Variants in SUPT3H observed in about 807,000 individuals in gnomAD.
SUPT3H encodes the protein transcription initiation protein SPT3 homolog.
In SUPT3H, 44 loss-of-function variants were observed where a neutral mutation model predicts 44.3. The observed-to-expected ratio is 0.99, with a 90% confidence interval of 0.78 to 1.28. The LOEUF (loss-of-function observed/expected upper bound fraction) is 1.28. SUPT3H is among the 50% of genes most tolerant of loss of function. The pLI, the probability that SUPT3H is intolerant of heterozygous loss-of-function variation, is 0.00. For synonymous variants in SUPT3H, 124 were observed against 125.6 expected, an observed-to-expected ratio of 0.99 and a Z score of 0.09; for missense variants, 380 against 387.1, an observed-to-expected ratio of 0.98 and a Z score of 0.15.
intron 6 of SUPT3H, among the ~76,000 whole-genome samples, chr6:44,998,974 CTG>C (rs1781644380): frequency 6.6e-6 from 1 of 152,014 alleles, no homozygotes; most frequent in Non-Finnish European, 1.5e-5. Context: ...TCTAAACAGT[CTG>C]TGACAGTACA....
chr6:45,139,841 C>T (rs539636166), intron 2 of SUPT3H, among the ~76,000 whole-genome samples: 2 of 152,156 alleles, frequency 1.3e-5, no homozygotes, highest in South Asian at 2.1e-4. Context: ...ACAGGGTGAA[C>T]GAAGCTTCCC....
chr6:45,374,343 A>G (rs1216144494), intron 1 of SUPT3H, among the ~76,000 whole-genome samples: 2 of 151,314 alleles, frequency 1.3e-5, no homozygotes, highest in South Asian at 2.1e-4. Context: ...AACCCATCAC[A>G]TGAGTTATTT....
chr6:45,156,710 T>C (rs1807878752), intron 2 of SUPT3H, among the ~76,000 whole-genome samples: 2 of 151,814 alleles, frequency 1.3e-5, no homozygotes, highest in South Asian at 4.1e-4. Context: ...TTTTAAAATG[T>C]CCCCATTCTA....
chr6:44,969,803 T>C (rs1055489860), intron 6 of SUPT3H, among the ~76,000 whole-genome samples: 6 of 152,092 alleles, frequency 3.9e-5, no homozygotes, highest in Admixed American at 3.3e-4. Flanking sequence ...AGGTTTCCAG[T>C]GGTGCTAATT....
intron 10 of SUPT3H, among the ~76,000 whole-genome samples, chr6:44,833,151 T>G (rs1769174454): frequency 1.3e-5 from 2 of 152,136 alleles, no homozygotes; most frequent in African/African-American, 4.8e-5. Context: ...CTATTACCTT[T>G]CCTGATTCTC....
At chr6:45,276,969 T>A (rs1020948769) in intron 2 of SUPT3H, among the ~76,000 whole-genome samples, 3 of 152,350 alleles carry the variant, frequency 2.0e-5, no homozygotes, top group Non-Finnish European at 4.4e-5. Flanking sequence ...CTTCCAAAGA[T>A]AAAACACATT....
At chr6:45,323,219 G>C (rs956129067) in intron 2 of SUPT3H, among the ~76,000 whole-genome samples, 2 of 152,018 alleles carry the variant, frequency 1.3e-5, no homozygotes, top group Admixed American at 1.3e-4. Context: ...ACTCTATTAT[G>C]TTCGGTTAAA....
At chr6:44,952,596 G>C (rs185204563) in intron 9 of SUPT3H, among the ~76,000 whole-genome samples, 1 of 152,132 alleles carries the variant, frequency 6.6e-6, no homozygotes, top group African/African-American at 2.4e-5. Context: ...ATGGATATTC[G>C]ATTGAATTAC....
At chr6:45,148,122 T>C (rs1262641709) in intron 2 of SUPT3H, among the ~76,000 whole-genome samples, 2 of 151,980 alleles carry the variant, frequency 1.3e-5, no homozygotes, top group Admixed American at 1.3e-4. Context: ...TATGTCTAAC[T>C]GAAGAAATAA....
intron 2 of SUPT3H, among the ~76,000 whole-genome samples, chr6:45,211,389 T>G (rs1041144785): frequency 6.6e-6 from 1 of 152,162 alleles, no homozygotes; most frequent in African/African-American, 2.4e-5. Flanking sequence ...TTATCTCCCT[T>G]AAATACAAAC....
intron 2 of SUPT3H, among the ~76,000 whole-genome samples, chr6:45,341,544 A>T (rs986405494): frequency 6.6e-6 from 1 of 152,232 alleles, no homozygotes; most frequent in Admixed American, 6.5e-5. Flanking sequence ...ACAAATTTTC[A>T]TATTAGTTTT....
intron 3 of SUPT3H, among the ~76,000 whole-genome samples, chr6:45,091,947 G>T (rs1238874860): frequency 6.6e-6 from 1 of 151,456 alleles, no homozygotes; most frequent in African/African-American, 2.4e-5. Flanking sequence ...CGCATACTGG[G>T]CTAAATACAA....
intron 3 of SUPT3H, among the ~76,000 whole-genome samples, chr6:45,100,331 AGG>A (rs1798372145): frequency 6.6e-6 from 1 of 151,990 alleles, no homozygotes; most frequent in Admixed American, 6.6e-5. Context: ...TCTTCGGACA[AGG>A]GATTAATATC....
At chr6:45,137,733 A>G (rs1362642851) in intron 2 of SUPT3H, among the ~76,000 whole-genome samples, 6 of 151,968 alleles carry the variant, frequency 3.9e-5, no homozygotes, top group African/African-American at 7.2e-5. Flanking sequence ...ACCAAGAAAT[A>G]AAGATATAAG....
chr6:45,067,463 G>A (rs887650888), intron 3 of SUPT3H, among the ~76,000 whole-genome samples: 4 of 143,714 alleles, frequency 2.8e-5, no homozygotes, highest in African/African-American at 1.0e-4. Context: ...ATTGACAACT[G>A]GGATCTAATT....
intron 3 of SUPT3H, among the ~76,000 whole-genome samples, chr6:45,093,278 G>A (rs2153564266): frequency 6.6e-6 from 1 of 152,130 alleles, no homozygotes; most frequent in African/African-American, 2.4e-5. Flanking sequence ...AATTTTGTAA[G>A]TTAAAAAGCT....
At chr6:44,999,396 G>A (rs1264920362) in intron 6 of SUPT3H, among the ~76,000 whole-genome samples, 1 of 151,920 alleles carries the variant, frequency 6.6e-6, no homozygotes, top group Non-Finnish European at 1.5e-5. Context: ...ACGTGCACCT[G>A]AAGGGTGGTG....
chr6:45,243,543 C>A (rs981947216), intron 2 of SUPT3H, among the ~76,000 whole-genome samples: 1 of 151,948 alleles, frequency 6.6e-6, no homozygotes, highest in Non-Finnish European at 1.5e-5. Context: ...CTCATTAATA[C>A]AAGAGATTGT....
intron 2 of SUPT3H, among the ~76,000 whole-genome samples, chr6:45,343,459 T>C (rs1193923923): frequency 2.0e-5 from 3 of 152,150 alleles, no homozygotes; most frequent in African/African-American, 4.8e-5. Context: ...ATCTAATCTA[T>C]AATAATTGCA....
Sources: gnomAD v4.1 joint callset for allele counts (sites outside exome capture counted in the v4.1 genomes callset) on GRCh38, gnomAD v4.1.1 for gene constraint, MANE v1.5 for transcripts, NCBI Gene and HGNC (gene_info 2026-07-23, HGNC 2026-07-21) for gene names.